The following TRIM67 variants were observed in gnomAD, a reference collection of about 807,000 sequenced individuals.
TRIM67 encodes the protein tripartite motif-containing protein 67.
TRIM67 carries 39 observed loss-of-function variants against 71.0 expected under a neutral mutation model. That is an observed-to-expected ratio of 0.55 (90% CI 0.43 to 0.72). TRIM67 has a LOEUF of 0.72. Among genes scored for constraint, TRIM67 ranks in the 30% least tolerant of loss-of-function variants. TRIM67 has a pLI of 0.00. For missense variants in TRIM67, 973 were observed against 1,079.2 expected, an observed-to-expected ratio of 0.90 and a Z score of 1.38; for synonymous variants, 481 against 473.9, an observed-to-expected ratio of 1.01 and a Z score of -0.19.
chr1:231,212,415 A>G (rs1251039328), intron 8 of TRIM67, among the ~76,000 whole-genome samples: 1 of 152,102 alleles, frequency 6.6e-6, no homozygotes, highest in African/African-American at 2.4e-5. Context: ...ACCCAGGCCA[A>G]CTCCTTACGG....
chr1:231,203,776 G>A (rs539485124), intron 5 of TRIM67, 91 bp from the exon 6 acceptor site: 90 of 1,483,436 alleles, frequency 6.1e-5, no homozygotes, highest in Non-Finnish European at 7.9e-5. Flanking sequence ...GTCCTCTGGA[G>A]GCCAGGACCC....
At chr1:231,185,151 C>T in intron 1 of TRIM67, 11 of 1,532,852 alleles carry the variant, frequency 7.2e-6, no homozygotes, top group Middle Eastern at 2.3e-4. Flanking sequence ...TGTGTGTTGT[C>T]CAGCCAGCCA....
chr1:231,185,091 C>T (rs1018446145), intron 1 of TRIM67: 44 of 1,532,764 alleles, frequency 2.9e-5, no homozygotes, highest in Admixed American at 7.9e-5. Context: ...CAGGGCACTT[C>T]GGTCACCATC....
intron 1 of TRIM67, among the ~76,000 whole-genome samples, chr1:231,175,331 G>A (rs1682716741): frequency 6.6e-6 from 1 of 152,212 alleles, no homozygotes; most frequent in African/African-American, 2.4e-5. Context: ...GCACACCAAA[G>A]GCAGGAAGAC....
At chr1:231,183,337 A>G (rs973722397) in intron 1 of TRIM67, among the ~76,000 whole-genome samples, 1 of 152,172 alleles carries the variant, frequency 6.6e-6, no homozygotes, top group Non-Finnish European at 1.5e-5. Flanking sequence ...AGTGGCTCAC[A>G]CCTGTAATCT....
intron 6 of TRIM67, 63 bp from the exon 7 acceptor site, chr1:231,206,589 A>G (rs1162459469): frequency 8.9e-6 from 13 of 1,456,576 alleles, no homozygotes; most frequent in Non-Finnish European, 1.2e-5. Flanking sequence ...TCCAGAAGCC[A>G]TTTGCTAAGA....
chr1:231,191,607 GTGTGACTAAA>G (rs1683231932), intron 1 of TRIM67, among the ~76,000 whole-genome samples: 1 of 152,094 alleles, frequency 6.6e-6, no homozygotes, highest in Non-Finnish European at 1.5e-5. Context: ...GCCTCATCCA[GTGTGACTAAA>G]TGTGAACCAG....
intron 1 of TRIM67, chr1:231,184,223 T>C (rs1682989627): frequency 6.7e-6 from 1 of 149,578 alleles, no homozygotes; most frequent in Admixed American, 6.6e-5. Flanking sequence ...AAAAAGTTTC[T>C]GCTTAGATTC....
rs11122249 is a variant in TRIM67 at position 231,199,034 on chromosome 1, C to A, written c.1141-13C>A. On this transcript the variant is annotated splice_polypyrimidine_tract_variant and intron_variant, in intron 2 of 9. Coordinates refer to ENST00000366653, the MANE Select transcript of TRIM67 (RefSeq NM_001004342.5). ...TCTTTGCTTCTTCCCAACCAACCCC[C>A]AACCTCTGCCAGGAAAACGGACTGG... 0.087 allele frequency: 140,185 copies of A among 1,613,700 alleles called. 8,304 individuals are homozygous for A. Among genetic ancestry groups the A allele is most frequent in the African/African-American group, 0.3 (22,309 of 74,914 alleles).
intron 1 of TRIM67, among the ~76,000 whole-genome samples, chr1:231,172,129 T>C (rs1419916613): frequency 1.3e-5 from 2 of 152,180 alleles, no homozygotes; most frequent in Non-Finnish European, 2.9e-5. Flanking sequence ...CGGCCCCCTT[T>C]ATTGCTCCTC....
chr1:231,168,109 AC>A (rs1452011816), intron 1 of TRIM67, among the ~76,000 whole-genome samples: 1 of 152,038 alleles, frequency 6.6e-6, no homozygotes, highest in Non-Finnish European at 1.5e-5. Context: ...CTACAGGCAC[AC>A]CCCACCACCA....
At chr1:231,215,247 C>A in intron 9 of TRIM67, 128 bp from the exon 10 acceptor site, 1 of 1,382,532 alleles carries the variant, frequency 7.2e-7, no homozygotes, top group Non-Finnish European at 9.6e-7. Flanking sequence ...TCCACAGCAG[C>A]CCTGAGCTAT....
intron 1 of TRIM67, among the ~76,000 whole-genome samples, chr1:231,173,165 G>A (rs540089856): frequency 8.5e-4 from 130 of 152,258 alleles, no homozygotes; most frequent in Non-Finnish European, 1.6e-3. Context: ...CTAGTCACAA[G>A]AGAAAGAAAA....
chr1:231,187,627 G>A, intron 1 of TRIM67: 2 of 1,410,304 alleles, frequency 1.4e-6, no homozygotes, highest in Non-Finnish European at 1.9e-6. Context: ...TTCGATTCCT[G>A]TTTTAATACA....
intron 1 of TRIM67, among the ~76,000 whole-genome samples, chr1:231,174,381 T>A (rs2102718898): frequency 6.6e-6 from 1 of 151,970 alleles, no homozygotes; most frequent in South Asian, 2.1e-4. Flanking sequence ...TTGCCTAGGC[T>A]GGTCTCAATC....
At chr1:231,169,229 A>G (rs1333520332) in intron 1 of TRIM67, among the ~76,000 whole-genome samples, 1 of 149,708 alleles carries the variant, frequency 6.7e-6, no homozygotes, top group Non-Finnish European at 1.5e-5. Context: ...AATTTTTTGT[A>G]TTTTTAGTAG....
intron 1 of TRIM67, among the ~76,000 whole-genome samples, chr1:231,177,734 T>A (rs1682793018): frequency 6.6e-6 from 1 of 152,176 alleles, no homozygotes; most frequent in African/African-American, 2.4e-5. Flanking sequence ...ACTTACAGGA[T>A]CTCTTTCTTT....
intron 1 of TRIM67, among the ~76,000 whole-genome samples, chr1:231,182,009 T>C (rs1382722316): frequency 6.6e-6 from 1 of 152,220 alleles, no homozygotes; most frequent in Non-Finnish European, 1.5e-5. Context: ...TATCTTCACA[T>C]GGCCAGTGAC....
intron 6 of TRIM67, 72 bp downstream of exon 6, chr1:231,204,084 C>T: frequency 6.3e-7 from 1 of 1,587,944 alleles, no homozygotes; most frequent in East Asian, 2.3e-5. Context: ...CCCACTGCCC[C>T]AGACTCTGGT....
Sources: allele counts gnomAD v4.1 joint callset (sites outside exome capture counted in the v4.1 genomes callset), GRCh38; gene constraint gnomAD v4.1.1; transcripts MANE v1.5; gene names NCBI Gene and HGNC (gene_info 2026-07-23, HGNC 2026-07-21).